Variants in CPPED1 observed in about 807,000 individuals in gnomAD.
CPPED1 encodes serine/threonine-protein phosphatase CPPED1.
Under a neutral mutation model 28.0 loss-of-function variants are expected in CPPED1, and 28 were observed. That is an observed-to-expected ratio of 1.00 (90% CI 0.74 to 1.37). The LOEUF (loss-of-function observed/expected upper bound fraction) is 1.37, where lower values mean the gene tolerates loss of function less well. CPPED1 is among the 40% of genes most tolerant of loss of function. The pLI is 0.00. For synonymous variants in CPPED1, 198 were observed against 180.2 expected (o/e 1.10, Z -0.79); for missense variants, 504 against 416.5 (o/e 1.21, Z -1.83).
chr16:12,757,107 A>G (rs1260762918), intron 2 of CPPED1, among the ~76,000 whole-genome samples: 2 of 152,082 alleles, frequency 1.3e-5, no homozygotes, highest in Admixed American at 1.3e-4. Context: ...GAGGGTGACC[A>G]ACTAAGTTAC....
chr16:12,669,609 G>C (rs1365879737), intron 3 of CPPED1, among the ~76,000 whole-genome samples: 1 of 152,106 alleles, frequency 6.6e-6, no homozygotes, highest in Non-Finnish European at 1.5e-5. Context: ...ATATTGCTGT[G>C]GTTTCACATA....
chr16:12,678,616 G>C (rs1334522218), intron 3 of CPPED1, among the ~76,000 whole-genome samples: 1 of 152,048 alleles, frequency 6.6e-6, no homozygotes. Context: ...GACATCCTTT[G>C]CTATTCCTAG....
intron 1 of CPPED1, among the ~76,000 whole-genome samples, chr16:12,789,123 C>G (rs1306844832): frequency 6.6e-6 from 1 of 152,182 alleles, no homozygotes; most frequent in Admixed American, 6.5e-5. Context: ...CTTGGAAAAT[C>G]TGGCCACATC....
intron 2 of CPPED1, among the ~76,000 whole-genome samples, chr16:12,746,451 A>C (rs528880027): frequency 6.6e-6 from 1 of 151,438 alleles, no homozygotes; most frequent in African/African-American, 2.4e-5. Context: ...AAACTTTCAC[A>C]GACATCCTGA....
In CPPED1 at chr16:12,670,195, T is replaced by C. The variant is rs1477933614; in HGVS notation, c.716-5080A>G. Among the ~76,000 whole-genome samples, 1 of 152,136 alleles carries C rather than the reference T, an allele frequency of 6.6e-6. No homozygotes were observed. Among genetic ancestry groups the C allele is most frequent in the Non-Finnish European group, 1.5e-5 (1 of 68,020 alleles). ...CCTGTGGTCCTAGATCTCAGGAGGC[T>C]GAGGTGGGAGGATTGCTTGAGCCTG... On this transcript the variant is annotated intron_variant, in intron 3 of 3. Transcript: ENST00000381774. The surrounding 1 kb of genome is among the most constrained non-coding windows in gnomAD (Gnocchi z 4.2).
intron 2 of CPPED1, among the ~76,000 whole-genome samples, chr16:12,739,982 C>T (rs891712479): frequency 1.4e-5 from 2 of 145,520 alleles, no homozygotes; most frequent in East Asian, 2.0e-4. Flanking sequence ...AGTCAATGGT[C>T]GGAGCTGCCT....
At chr16:12,773,617 A>G (rs926335700) in intron 2 of CPPED1, among the ~76,000 whole-genome samples, 1 of 152,182 alleles carries the variant, frequency 6.6e-6, no homozygotes, top group African/African-American at 2.4e-5. Flanking sequence ...CAGCTGCTCG[A>G]GGCTGAGGCA....
Position 12,738,292 on chromosome 16 carries a change from A to T in CPPED1, c.290-33243T>A, listed in dbSNP as rs182802521. ...GTAGGAACTCAGCTATGCAAAAAAA[A>T]TTTTTAAAAATTAGGAAGGAAATAT... On this transcript the variant is annotated intron_variant, in intron 2 of 3. Coordinates refer to ENST00000381774, the MANE Select transcript of CPPED1 (RefSeq NM_018340.3). Among the ~76,000 whole-genome samples, 371 of 152,288 alleles carry T rather than the reference A, an allele frequency of 2.4e-3. 2 individuals are homozygous for T. The highest frequency in any genetic ancestry group is 8.4e-3 in the African/African-American group (351 of 41,560).
intron 2 of CPPED1, among the ~76,000 whole-genome samples, chr16:12,717,891 C>T (rs532131116): frequency 4.5e-4 from 69 of 151,780 alleles, no homozygotes; most frequent in African/African-American, 1.5e-3. Flanking sequence ...ATCTGCTCAC[C>T]TCCGCCTCTC....
At chr16:12,786,966 T>G (rs1033984787) in intron 1 of CPPED1, among the ~76,000 whole-genome samples, 1 of 152,196 alleles carries the variant, frequency 6.6e-6, no homozygotes, top group African/African-American at 2.4e-5. Context: ...TCTAATTTAT[T>G]ACTACATGAC....
intron 2 of CPPED1, among the ~76,000 whole-genome samples, chr16:12,722,043 T>C (rs1322462665): frequency 6.6e-6 from 1 of 152,128 alleles, no homozygotes; most frequent in African/African-American, 2.4e-5. Flanking sequence ...CAAGAAAAGA[T>C]GCTGCTTAGT....
chr16:12,672,027 C>T (rs1567271832), intron 3 of CPPED1, among the ~76,000 whole-genome samples: 1 of 152,198 alleles, frequency 6.6e-6, no homozygotes, highest in Admixed American at 6.5e-5. Flanking sequence ...CAGTACAGTA[C>T]CATGCTGCAT....
At chr16:12,697,118 A>G (rs889478753) in intron 3 of CPPED1, among the ~76,000 whole-genome samples, 13 of 152,078 alleles carry the variant, frequency 8.5e-5, no homozygotes, top group Non-Finnish European at 1.9e-4. Flanking sequence ...TCTGCCTCCC[A>G]GGTTCAAGCC....
intron 2 of CPPED1, among the ~76,000 whole-genome samples, chr16:12,756,117 C>T (rs533325972): frequency 2.8e-5 from 4 of 140,910 alleles, no homozygotes; most frequent in Admixed American, 1.5e-4. Flanking sequence ...GGCAACAGAG[C>T]GAAACTCCGT....
intron 3 of CPPED1, among the ~76,000 whole-genome samples, chr16:12,667,382 T>C (rs900700444): frequency 6.6e-6 from 1 of 152,126 alleles, no homozygotes; most frequent in South Asian, 2.1e-4. Flanking sequence ...ATAAATTGAA[T>C]GAGAACAGGA....
intron 1 of CPPED1, 38 bp from the exon 2 acceptor site, chr16:12,781,441 T>C (rs751724606): frequency 2.5e-6 from 4 of 1,585,592 alleles, no homozygotes; most frequent in South Asian, 1.1e-5. Flanking sequence ...GGAGAAATCT[T>C]GTAAAATCTG....
At chr16:12,744,861 A>G (rs569515912) in intron 2 of CPPED1, among the ~76,000 whole-genome samples, 1 of 152,240 alleles carries the variant, frequency 6.6e-6, no homozygotes, top group African/African-American at 2.4e-5. Flanking sequence ...GCACATGCCT[A>G]TAATCCCAGC....
chr16:12,662,758 C>T lies in CPPED1; in HGVS notation c.*2128G>A, dbSNP rs1328510090. ...AGTATTCCATTATGTATACATACCACATGTTCTTTATCCAATCATCTGTTG... is the reference window on the plus strand; with the variant it reads ...AGTATTCCATTATGTATACATACCATATGTTCTTTATCCAATCATCTGTTG... On this transcript the variant is annotated 3_prime_UTR_variant, in exon 4 of 4. Transcript: ENST00000381774. 6.6e-6 allele frequency: 1 copy of T among 152,214 alleles called. No individual in the cohort carries two copies. Among genetic ancestry groups the T allele is most frequent in the African/African-American group, 2.4e-5 (1 of 41,444 alleles). 9.4% of individuals were successfully genotyped at this position (152,214 alleles called of 1,614,324 possible). A position where few individuals can be genotyped will look rare whatever the true frequency, so the allele number is the denominator to read the frequency against.
intron 3 of CPPED1, among the ~76,000 whole-genome samples, chr16:12,698,365 T>A (rs1196203809): frequency 6.6e-6 from 1 of 152,184 alleles, no homozygotes; most frequent in Non-Finnish European, 1.5e-5. Context: ...AGAGCAGGAT[T>A]TGATGTTTTA....
Sources: allele counts gnomAD v4.1 joint callset (sites outside exome capture counted in the v4.1 genomes callset), GRCh38; gene constraint gnomAD v4.1.1; non-coding constraint Gnocchi (gnomAD v3.1); transcripts MANE v1.5; gene names NCBI Gene and HGNC (gene_info 2026-07-23, HGNC 2026-07-21).